PHACTR1: variants seen among roughly 807,000 people sequenced by gnomAD.
PHACTR1 encodes the protein phosphatase and actin regulator 1, also known as RPEL repeat containing 1.
PHACTR1 carries 16 observed loss-of-function variants against 69.2 expected under a neutral mutation model. The ratio of observed to expected loss-of-function variants is 0.23; its 90% CI spans 0.16 to 0.35. The LOEUF is 0.35. Among genes scored for constraint, PHACTR1 ranks in the 10% least tolerant of loss-of-function variants. The pLI is 1.00. For synonymous variants in PHACTR1, 312 were observed against 284.5 expected (o/e 1.10, Z -0.97); for missense variants, 510 against 734.7 (o/e 0.69, Z 3.54).
At chr6:13,161,984 CA>C (rs1283301243) in intron 6 of PHACTR1, among the ~76,000 whole-genome samples, 1 of 152,182 alleles carries the variant, frequency 6.6e-6, no homozygotes. Context: ...ATGACCATAC[CA>C]GCATACCACT....
chr6:12,890,947 C>T (rs1379023644), intron 4 of PHACTR1, among the ~76,000 whole-genome samples: 6 of 152,122 alleles, frequency 3.9e-5, no homozygotes, highest in East Asian at 3.9e-4. Context: ...ACTCATGTAT[C>T]CCAGTTGCTG....
intron 4 of PHACTR1, among the ~76,000 whole-genome samples, chr6:12,879,602 G>A (rs1782878986): frequency 6.6e-6 from 1 of 152,186 alleles, no homozygotes; most frequent in Admixed American, 6.5e-5. Context: ...CTTGATGCAG[G>A]GCTAGGTCAA....
chr6:12,754,325 T>C (rs1767022029), intron 4 of PHACTR1, among the ~76,000 whole-genome samples: 1 of 152,040 alleles, frequency 6.6e-6, no homozygotes, highest in Non-Finnish European at 1.5e-5. Context: ...TTCACCAACC[T>C]AAAGGTTTTG....
intron 10 of PHACTR1, among the ~76,000 whole-genome samples, chr6:13,256,004 G>T (rs984289728): frequency 2.0e-5 from 3 of 152,240 alleles, no homozygotes; most frequent in Non-Finnish European, 4.4e-5. Flanking sequence ...CTTAGCAGAG[G>T]TTCTCCATGA....
At chr6:12,959,208 A>G (rs1792359383) in intron 4 of PHACTR1, among the ~76,000 whole-genome samples, 2 of 151,114 alleles carry the variant, frequency 1.3e-5, no homozygotes, top group Non-Finnish European at 2.9e-5. Context: ...AAAGAAAAAA[A>G]AAAGAAAAGA....
chr6:13,111,264 T>C (rs1193457151), intron 5 of PHACTR1, among the ~76,000 whole-genome samples: 1 of 152,208 alleles, frequency 6.6e-6, no homozygotes, highest in African/African-American at 2.4e-5. Flanking sequence ...CAGTGATCTC[T>C]TTAGTAGTGG....
At chr6:12,967,399 C>G (rs1793628995) in intron 4 of PHACTR1, among the ~76,000 whole-genome samples, 1 of 152,166 alleles carries the variant, frequency 6.6e-6, no homozygotes, top group African/African-American at 2.4e-5. Context: ...AAGCTTGAAT[C>G]TTTGTAGGTA....
In PHACTR1 at chr6:12,898,771, A is replaced by T. The variant is rs73362175; in HGVS notation, c.250+148981A>T. Among the ~76,000 whole-genome samples the T allele has an allele frequency of 8.1e-3, 1,227 of 152,310 alleles. 18 individuals carry two copies. The highest frequency in any genetic ancestry group is 0.028 in the African/African-American group (1,155 of 41,552). On this transcript the variant is annotated intron_variant, in intron 4 of 14. Transcript: ENST00000332995. ...TTGCCGGGACTTCCCCATCGATGTC[A>T]GAATGCAAATTCCTTAGCTTATGCT...
chr6:12,839,434 C>T (rs566182004), intron 4 of PHACTR1, among the ~76,000 whole-genome samples: 159 of 152,206 alleles, frequency 1.0e-3, no homozygotes, highest in Non-Finnish European at 1.1e-3. Context: ...CACCCCACAG[C>T]GAGTCCTTTG....
intron 4 of PHACTR1, among the ~76,000 whole-genome samples, chr6:12,993,747 C>T (rs1797083480): frequency 6.6e-6 from 1 of 152,154 alleles, no homozygotes; most frequent in African/African-American, 2.4e-5. Flanking sequence ...CTATGTGATC[C>T]AAATTTTTAG....
At chr6:12,863,264 G>T (rs1223496677) in intron 4 of PHACTR1, among the ~76,000 whole-genome samples, 1 of 152,210 alleles carries the variant, frequency 6.6e-6, no homozygotes, top group Non-Finnish European at 1.5e-5. Flanking sequence ...CTAAGATCAA[G>T]GTGCTAGCCC....
chr6:12,798,012 G>A (rs934196479), intron 4 of PHACTR1, among the ~76,000 whole-genome samples: 3 of 120,074 alleles, frequency 2.5e-5, no homozygotes, highest in Non-Finnish European at 5.0e-5. Context: ...TTATTTTCTT[G>A]GACTGTCAAT....
intron 5 of PHACTR1, among the ~76,000 whole-genome samples, chr6:13,068,023 A>C (rs948543031): frequency 6.6e-6 from 1 of 152,056 alleles, no homozygotes; most frequent in Admixed American, 6.6e-5. Context: ...TAGGGATAAA[A>C]CTGGCACCTT....
intron 4 of PHACTR1, among the ~76,000 whole-genome samples, chr6:13,001,872 C>T (rs903994876): frequency 1.3e-5 from 2 of 152,230 alleles, no homozygotes; most frequent in Admixed American, 6.5e-5. Context: ...CTGGAAGTTT[C>T]AGTCTGGGTG....
At chr6:12,747,520 G>C (rs1283172317) in intron 3 of PHACTR1, among the ~76,000 whole-genome samples, 1 of 151,966 alleles carries the variant, frequency 6.6e-6, no homozygotes, top group Non-Finnish European at 1.5e-5. Context: ...AAAAAAATTA[G>C]TTGGGCATGG....
chr6:13,090,445 C>G (rs1167728578), intron 5 of PHACTR1, among the ~76,000 whole-genome samples: 1 of 152,060 alleles, frequency 6.6e-6, no homozygotes, highest in African/African-American at 2.4e-5. Context: ...CCTGCCTCAG[C>G]CTCCCGAGTA....
intron 3 of PHACTR1, among the ~76,000 whole-genome samples, chr6:12,731,015 T>C (rs1763452399): frequency 6.6e-6 from 1 of 150,410 alleles, no homozygotes; most frequent in Non-Finnish European, 1.5e-5. Context: ...TATTTATTTA[T>C]TTATTTATTT....
intron 5 of PHACTR1, among the ~76,000 whole-genome samples, chr6:13,159,798 T>C (rs925927747): frequency 6.6e-6 from 1 of 151,944 alleles, no homozygotes; most frequent in Non-Finnish European, 1.5e-5. Flanking sequence ...AAATTAGCTG[T>C]GTGTGGTGGC....
chr6:12,913,320 C>T (rs1786613603), intron 4 of PHACTR1, among the ~76,000 whole-genome samples: 1 of 152,182 alleles, frequency 6.6e-6, no homozygotes, highest in African/African-American at 2.4e-5. Context: ...ATGTCAAAAC[C>T]TTCACTCAAA....
Sources: gnomAD v4.1 joint callset for allele counts (sites outside exome capture counted in the v4.1 genomes callset) on GRCh38, gnomAD v4.1.1 for gene constraint, MANE v1.5 for transcripts, NCBI Gene and HGNC (gene_info 2026-07-23, HGNC 2026-07-21) for gene names.